Variants in TBC1D16 observed in about 807,000 individuals in gnomAD.
TBC1D16 encodes the protein CTD-2529O21.1.
Under a neutral mutation model 74.7 loss-of-function variants are expected in TBC1D16, and 58 were observed. The ratio of observed to expected loss-of-function variants is 0.78; its 90% CI spans 0.63 to 0.97. The LOEUF (loss-of-function observed/expected upper bound fraction) is 0.97. Ranked by LOEUF, TBC1D16 falls within the 50% of genes least tolerant of loss-of-function variation. The pLI is 0.00. For synonymous variants in TBC1D16, 493 were observed against 474.7 expected, an observed-to-expected ratio of 1.04 and a Z score of -0.50; for missense variants, 1,014 against 1,079.5, an observed-to-expected ratio of 0.94 and a Z score of 0.85.
At chr17:79,943,361 C>T (rs940394101) in intron 10 of TBC1D16, among the ~76,000 whole-genome samples, 13 of 152,042 alleles carry the variant, frequency 8.6e-5, no homozygotes, top group African/African-American at 2.7e-4. Context: ...AGGGAGGGCA[C>T]GATCTCCACA....
chr17:79,967,071 T>C (rs1227747208), intron 3 of TBC1D16, among the ~76,000 whole-genome samples: 1 of 152,150 alleles, frequency 6.6e-6, no homozygotes, highest in African/African-American at 2.4e-5. Flanking sequence ...ATAAATGTTA[T>C]CTATGAAAAA....
chr17:80,012,929 G>A (rs2035946287), intron 2 of TBC1D16, among the ~76,000 whole-genome samples: 1 of 152,114 alleles, frequency 6.6e-6, no homozygotes, highest in Non-Finnish European at 1.5e-5. Context: ...ACCACACACT[G>A]GCACTGTGCA....
intron 1 of TBC1D16, among the ~76,000 whole-genome samples, chr17:80,028,094 T>C (rs1417875378): frequency 6.6e-6 from 1 of 151,730 alleles, no homozygotes; most frequent in Non-Finnish European, 1.5e-5. Context: ...CAGAATGCCA[T>C]CTTCGTTAAG....
At chr17:79,982,494 G>A (rs1178003181) in intron 3 of TBC1D16, among the ~76,000 whole-genome samples, 2 of 151,912 alleles carry the variant, frequency 1.3e-5, no homozygotes, top group South Asian at 2.1e-4. Flanking sequence ...GTGTGTTCAC[G>A]TCTGCACACA....
intron 3 of TBC1D16, among the ~76,000 whole-genome samples, chr17:80,003,550 A>G (rs1436444820): frequency 6.6e-6 from 1 of 152,166 alleles, no homozygotes; most frequent in African/African-American, 2.4e-5. Flanking sequence ...GCGTCCCCAA[A>G]TGTGCAGGTT....
At chr17:79,978,434 G>T (rs2034432150) in intron 3 of TBC1D16, among the ~76,000 whole-genome samples, 1 of 151,242 alleles carries the variant, frequency 6.6e-6, no homozygotes, top group East Asian at 2.0e-4. Context: ...CCTTTCTTCT[G>T]TTCCTTTGCC....
intron 1 of TBC1D16, among the ~76,000 whole-genome samples, chr17:80,030,814 C>T (rs1022442239): frequency 1.1e-4 from 17 of 152,124 alleles, no homozygotes; most frequent in African/African-American, 3.6e-4. Flanking sequence ...AGCCCACCAC[C>T]GATTATTCCC....
At chr17:79,984,784 A>G (rs1011796941) in intron 3 of TBC1D16, among the ~76,000 whole-genome samples, 1 of 151,956 alleles carries the variant, frequency 6.6e-6, no homozygotes, top group Non-Finnish European at 1.5e-5. Context: ...CCTCCATAGG[A>G]TCAACAGGGA....
chr17:80,007,019 G>C lies in TBC1D16; in HGVS notation c.779+3141C>G, dbSNP rs1169039019. On this transcript the variant is annotated intron_variant, in intron 3 of 11. Transcript: ENST00000310924. This position sits in a 1 kb window ranked among gnomAD's most constrained non-coding sequence, Gnocchi z 4.5. The stretch of plus-strand genomic sequence containing the variant: ...TCTCAGCAGTCTGTCTTGGAGACAG[G>C]CTGTTTTCACTCCAGCCTTGCACTG... Among the ~76,000 whole-genome samples the C allele has an allele frequency of 4.0e-5, 6 of 151,876 alleles. No homozygotes were observed. The highest frequency in any genetic ancestry group is 1.4e-4 in the African/African-American group (6 of 41,452).
At chr17:80,012,487 T>C (rs2035931627) in intron 2 of TBC1D16, among the ~76,000 whole-genome samples, 1 of 152,252 alleles carries the variant, frequency 6.6e-6, no homozygotes, top group Non-Finnish European at 1.5e-5. Flanking sequence ...TGGCATAATT[T>C]AAACTTTTGT....
At position 79,950,862 on chromosome 17, in the gene TBC1D16, C is replaced by T. The variant is rs902710047; in HGVS notation, c.1090-284G>A. 9.3e-5 allele frequency: 142 copies of T among 1,519,066 alleles called. 1 individual carries two copies. The highest frequency in any genetic ancestry group is 3.4e-4 in the Middle Eastern group (2 of 5,926). 94.1% of individuals were successfully genotyped at this position (1,519,066 alleles called of 1,614,324 possible). ...AGCCGCAAAAACGGAATGAATGCCTCGTTCGGCCTAACTTCCCTCTGCCGG... is the reference window on the plus strand; with the variant it reads ...AGCCGCAAAAACGGAATGAATGCCTTGTTCGGCCTAACTTCCCTCTGCCGG... On this transcript the variant is annotated intron_variant, in intron 5 of 11. Transcript: ENST00000310924. This position sits in a 1 kb window ranked among gnomAD's most constrained non-coding sequence, Gnocchi z 4.6.
rs1326887641 is a variant in TBC1D16, at chr17:80,007,941, C to G, written c.779+2219G>C. Among the ~76,000 whole-genome samples the G allele has an allele frequency of 2.6e-5, 4 of 151,878 alleles. No individual in the cohort carries two copies. Among genetic ancestry groups the G allele is most frequent in the Non-Finnish European group, 5.9e-5 (4 of 67,984 alleles). On this transcript the variant is annotated intron_variant, in intron 3 of 11. Transcript: ENST00000310924. The surrounding 1 kb of genome is among the most constrained non-coding windows in gnomAD (Gnocchi z 4.5). The stretch of plus-strand genomic sequence containing the variant: ...CCCCGGTGGGTCCCAGGCAGAGGGA[C>G]AGCCTGGCTTCCAGAGTGAGTGCAC...
At position 79,951,472 on chromosome 17, in the gene TBC1D16, G is replaced by A; in HGVS notation, c.1067C>T (p.Thr356Ile). Reference sequence around the variant, plus strand: ...TACCTGGTCTTTGAGCTGCATCTCGGTGCAGTATTTCCACTGCTGGAACAC... The same window carrying A: ...TACCTGGTCTTTGAGCTGCATCTCGATGCAGTATTTCCACTGCTGGAACAC... ...SDVFQQWKYC[T>I]EMQLKDQQVA... The change falls in exon 5 of 12, where the codon ACC becomes ATC. Residue 356 changes from threonine to isoleucine, a missense_variant. Coordinates refer to ENST00000310924, the MANE Select transcript of TBC1D16 (RefSeq NM_019020.4). The A allele has an allele frequency of 6.2e-7, 1 of 1,613,902 alleles. No individual in the cohort carries two copies. The highest frequency in any genetic ancestry group is 1.7e-5 in the Admixed American group (1 of 59,986).
Position 80,013,365 on chromosome 17 carries a change from A to G in TBC1D16, c.181+2T>C, listed in dbSNP as rs1297035110. ...CCTGGAGCCTCGCCTGCCCTGGCTC[A>G]CCTGGGTGGTGCTCCCCCAGCCCCT... On this transcript the variant is annotated splice_donor_variant, in intron 2 of 11. Coordinates refer to ENST00000310924, the MANE Select transcript of TBC1D16 (RefSeq NM_019020.4). LOFTEE classifies it high-confidence loss of function. 1 of 1,600,792 alleles carries G rather than the reference A, an allele frequency of 6.2e-7. No individual in the cohort carries two copies. Among genetic ancestry groups the G allele is most frequent in the Non-Finnish European group, 8.5e-7 (1 of 1,174,274 alleles).
intron 1 of TBC1D16, among the ~76,000 whole-genome samples, chr17:80,024,464 GACAC>G (rs1568648317): frequency 1.3e-5 from 1 of 79,128 alleles, no homozygotes; most frequent in African/African-American, 6.2e-5. Flanking sequence ...ACACACCATA[GACAC>G]ACACACCACA....
rs564479428 is a variant in TBC1D16 at position 79,950,112 on chromosome 17, C to G, written c.1258-247G>C. ...TTAACGTGTCGTTCTCACGTCATGGCCTAATCCCTGGTTTTGGAAATGCTG... is the reference window on the plus strand; with the variant it reads ...TTAACGTGTCGTTCTCACGTCATGGGCTAATCCCTGGTTTTGGAAATGCTG... On this transcript the variant is annotated intron_variant, in intron 6 of 11. Transcript: ENST00000310924. This position sits in a 1 kb window ranked among gnomAD's most constrained non-coding sequence, Gnocchi z 4.6. Among the ~76,000 whole-genome samples the G allele has an allele frequency of 6.6e-6, 1 of 152,200 alleles. No individual in the cohort carries two copies. Among genetic ancestry groups the G allele is most frequent in the Non-Finnish European group, 1.5e-5 (1 of 68,022 alleles).
chr17:80,013,224 C>T, intron 2 of TBC1D16, 143 bp downstream of exon 2: 3 of 824,788 alleles, frequency 3.6e-6, no homozygotes, highest in East Asian at 3.0e-5. Flanking sequence ...ACCCTCCTTC[C>T]GGGAGGACAG....
intron 3 of TBC1D16, among the ~76,000 whole-genome samples, chr17:79,973,095 G>A (rs866780295): frequency 1.3e-5 from 2 of 151,938 alleles, no homozygotes; most frequent in Non-Finnish European, 2.9e-5. Context: ...ACACAAAAAT[G>A]GTAAATTTTA....
At chr17:79,973,525 T>C (rs909252357) in intron 3 of TBC1D16, among the ~76,000 whole-genome samples, 15 of 152,070 alleles carry the variant, frequency 9.9e-5, no homozygotes, top group East Asian at 3.9e-4. Context: ...CTGTCTAACA[T>C]GGTGAAACCC....
Sources: gnomAD v4.1 joint callset for allele counts (sites outside exome capture counted in the v4.1 genomes callset) on GRCh38, gnomAD v4.1.1 for gene constraint, Gnocchi (gnomAD v3.1) non-coding constraint, MANE v1.5 for transcripts, NCBI Gene and HGNC (gene_info 2026-07-23, HGNC 2026-07-21) for gene names.